The following FBXO11 variants were observed in gnomAD, a reference collection of about 807,000 sequenced individuals.
FBXO11 encodes F-box only protein 11.
FBXO11 carries 13 observed loss-of-function variants against 117.0 expected under a neutral mutation model. The observed-to-expected ratio is 0.11, with a 90% CI of 0.07 to 0.18. The LOEUF (loss-of-function observed/expected upper bound fraction) is 0.18, where lower values mean the gene tolerates loss of function less well. FBXO11 is among the 10% of genes least tolerant of loss of function. The pLI, the probability that FBXO11 is intolerant of heterozygous loss-of-function variation, is 1.00. For missense variants in FBXO11, 767 were observed against 1,164.4 expected, an observed-to-expected ratio of 0.66 and a Z score of 4.97; for synonymous variants, 490 against 380.5, an observed-to-expected ratio of 1.29 and a Z score of -3.35.
Position 47,839,505 on chromosome 2 carries a change from A to G in FBXO11, c.361-5T>C, listed in dbSNP as rs186104745. The G allele has an allele frequency of 1.1e-4, 180 of 1,613,426 alleles. No individual in the cohort carries two copies. The East Asian group carries it at 3.5e-3, about 31-fold the overall frequency. ...TGTAGTTGAAGTTGAGGCGCCCTTC[A>G]AAAACAAAACAGAAACTAGTAAAGC... On this transcript the variant is annotated splice_region_variant and splice_polypyrimidine_tract_variant and intron_variant, in intron 2 of 22. Transcript: ENST00000403359.
At position 47,822,315 on chromosome 2, in the gene FBXO11, C is replaced by T. The variant is rs201573065; in HGVS notation, c.1617-12G>A. 2.5e-5 allele frequency: 38 copies of T among 1,516,958 alleles called. No individual in the cohort carries two copies. In the East Asian group the frequency reaches 5.0e-4, roughly 20 times the overall value. The allele number at this position is 1,516,958 out of a possible 1,614,324, so 94.0% of individuals were successfully genotyped here. ...ATATAGAATTTCCCCTATAATTATG[C>T]GAAATAAAAAAAAAGAAGACATCTA... On this transcript the variant is annotated splice_polypyrimidine_tract_variant and intron_variant, in intron 12 of 22. Coordinates refer to ENST00000403359, the MANE Select transcript of FBXO11 (RefSeq NM_001190274.2).
At chr2:47,828,050 G>A (rs1413310757) in intron 11 of FBXO11, among the ~76,000 whole-genome samples, 2 of 152,006 alleles carry the variant, frequency 1.3e-5, no homozygotes, top group East Asian at 1.9e-4. Flanking sequence ...AGCTATCACA[G>A]GTCATTACAA....
At chr2:47,860,742 T>C (rs1226166255) in intron 1 of FBXO11, among the ~76,000 whole-genome samples, 1 of 151,508 alleles carries the variant, frequency 6.6e-6, no homozygotes, top group East Asian at 1.9e-4. Flanking sequence ...ATCAAAACTT[T>C]TCCCTGCAGG....
At chr2:47,819,200 G>C (rs58820699) in intron 14 of FBXO11, 122 bp from the exon 15 acceptor site, 1 of 833,166 alleles carries the variant, frequency 1.2e-6, no homozygotes, top group East Asian at 2.6e-5. Context: ...CGAGTAAGGA[G>C]GTAATGGCAA....
chr2:47,844,059 A>G (rs769875843), intron 1 of FBXO11, among the ~76,000 whole-genome samples: 6 of 151,960 alleles, frequency 3.9e-5, no homozygotes, highest in Non-Finnish European at 7.4e-5. Context: ...CTTATTCTTA[A>G]CCATTTATTG....
At position 47,905,521 on chromosome 2, in the gene FBXO11, A is replaced by G. The variant is rs1401793932; in HGVS notation, c.200T>C (p.Leu67Pro). 5 of 1,233,912 alleles carry G rather than the reference A, an allele frequency of 4.1e-6. No individual in the cohort carries two copies. The highest frequency in any genetic ancestry group is 8.6e-5 in the Admixed American group (2 of 23,334). The allele number at this position is 1,233,912 out of a possible 1,614,324, so 76.4% of individuals were successfully genotyped here. ...PPPPPPPPPP[L>P]PQERNNVGER... is the part of the protein sequence containing the mutation. ...GCCGACGTTGTTCCGCTCCTGAGGC[A>G]GCGGCGGAGGCGGCGGTGGCGGCGG... is the stretch of plus-strand genomic sequence containing the variant. The change falls in exon 1 of 23, where the codon CTG becomes CCG. Residue 67 changes from leucine to proline, a missense_variant. Transcript: ENST00000403359.
At chr2:47,895,186 C>T (rs1358735430) in intron 1 of FBXO11, among the ~76,000 whole-genome samples, 3 of 151,914 alleles carry the variant, frequency 2.0e-5, no homozygotes, top group African/African-American at 7.3e-5. Flanking sequence ...GAAAAAAATG[C>T]AGAAAAATAA....
At chr2:47,832,932 C>G in intron 8 of FBXO11, 32 bp downstream of exon 8, 1 of 1,601,614 alleles carries the variant, frequency 6.2e-7, no homozygotes, top group Non-Finnish European at 8.6e-7. Context: ...TTTATGATTT[C>G]AATGTGTATT....
At chr2:47,838,392 A>G (rs1353548505) in intron 4 of FBXO11, among the ~76,000 whole-genome samples, 3 of 152,084 alleles carry the variant, frequency 2.0e-5, no homozygotes, top group Non-Finnish European at 2.9e-5. Context: ...GTTACGAAAA[A>G]TCTGTACATA....
intron 1 of FBXO11, among the ~76,000 whole-genome samples, chr2:47,879,625 A>G (rs1344533472): frequency 1.3e-5 from 2 of 152,218 alleles, no homozygotes; most frequent in African/African-American, 4.8e-5. Context: ...CCAAGTACTT[A>G]CTGCATGTAT....
intron 1 of FBXO11, among the ~76,000 whole-genome samples, chr2:47,893,353 C>CATAT (rs147206146): frequency 4.0e-5 from 6 of 149,714 alleles, no homozygotes; most frequent in South Asian, 2.1e-4. Context: ...TGTGTATGTG[C>CATAT]ATATATATAT....
At chr2:47,867,418 G>A (rs909864134) in intron 1 of FBXO11, among the ~76,000 whole-genome samples, 1 of 152,154 alleles carries the variant, frequency 6.6e-6, no homozygotes, top group African/African-American at 2.4e-5. Context: ...GCCTGGAAGT[G>A]ACACACCAAC....
intron 1 of FBXO11, among the ~76,000 whole-genome samples, chr2:47,875,569 A>G (rs1161619062): frequency 6.6e-6 from 1 of 151,938 alleles, no homozygotes; most frequent in Non-Finnish European, 1.5e-5. Context: ...AAAATATTTC[A>G]ATATATAGGA....
chr2:47,809,278 G>A lies in FBXO11; in HGVS notation c.2447-12C>T. On this transcript the variant is annotated splice_polypyrimidine_tract_variant and intron_variant, in intron 20 of 22. Transcript: ENST00000403359. ...CATTATTTTGTTATCTGTAATAAAAGAAAGAATAAGTAAAAATTCAGAGGA... is the reference window on the plus strand; with the variant it reads ...CATTATTTTGTTATCTGTAATAAAAAAAAGAATAAGTAAAAATTCAGAGGA... 3 of 1,460,384 alleles carry A rather than the reference G, an allele frequency of 2.1e-6. No homozygotes were observed. Among genetic ancestry groups the A allele is most frequent in the Non-Finnish European group, 1.9e-6 (2 of 1,058,444 alleles). The allele number at this position is 1,460,384 out of a possible 1,614,324, so 90.5% of individuals were successfully genotyped here. A position where few individuals can be genotyped will look rare whatever the true frequency, so the allele number is the denominator to read the frequency against.
At chr2:47,880,489 T>A (rs1676355714) in intron 1 of FBXO11, among the ~76,000 whole-genome samples, 2 of 152,220 alleles carry the variant, frequency 1.3e-5, no homozygotes, top group Admixed American at 6.5e-5. Flanking sequence ...CCTTATGAAC[T>A]GTGGAATCAG....
In FBXO11 at chr2:47,834,779, C is replaced by T. The variant is rs776514486; in HGVS notation, c.801+9G>A. On this transcript the variant is annotated intron_variant, in intron 6 of 22. Transcript: ENST00000403359. ...CATTTTAAGTCATAAAAATAAAAATCAAACATACCAACATATTTTCTCTTC... is the reference window on the plus strand; with the variant it reads ...CATTTTAAGTCATAAAAATAAAAATTAAACATACCAACATATTTTCTCTTC... The T allele has an allele frequency of 1.9e-6, 3 of 1,609,140 alleles. No individual in the cohort carries two copies. The African/African-American group carries it at 4.0e-5, about 22-fold the overall frequency.
chr2:47,905,397 GCCGCCCCCGC>G (rs1678703252), intron 1 of FBXO11, 82 bp downstream of exon 1: 1 of 1,076,516 alleles, frequency 9.3e-7, no homozygotes, highest in Non-Finnish European at 1.1e-6. Flanking sequence ...GGGCGCGCAG[GCCGCCCCCGC>G]CCGCCCGCCC....
intron 18 of FBXO11, chr2:47,812,957 A>C: frequency 2.5e-6 from 1 of 402,282 alleles, no homozygotes; most frequent in Non-Finnish European, 4.6e-6. Flanking sequence ...TCATATTACT[A>C]TTCTGAATTT....
chr2:47,817,371 CA>C (rs1671077545), intron 16 of FBXO11, among the ~76,000 whole-genome samples: 1 of 152,198 alleles, frequency 6.6e-6, no homozygotes, highest in East Asian at 1.9e-4. Flanking sequence ...TCCATATTAG[CA>C]TAAGTCCATT....
Sources: allele counts gnomAD v4.1 joint callset (sites outside exome capture counted in the v4.1 genomes callset), GRCh38; gene constraint gnomAD v4.1.1; transcripts MANE v1.5; gene names NCBI Gene and HGNC (gene_info 2026-07-23, HGNC 2026-07-21).